The following DDX27 variants were observed in gnomAD, a reference collection of about 807,000 sequenced individuals.
DDX27 encodes probable ATP-dependent RNA helicase DDX27.
A neutral mutation model predicts 99.3 loss-of-function variants in DDX27; 42 were observed. The ratio of observed to expected loss-of-function variants is 0.42; its 90% CI spans 0.33 to 0.55. DDX27 has a LOEUF of 0.55. Among genes scored for constraint, DDX27 ranks in the 20% least tolerant of loss-of-function variants. The pLI, the probability that DDX27 is intolerant of heterozygous loss-of-function variation, is 0.07. For missense variants in DDX27, 798 were observed against 976.8 expected, an observed-to-expected ratio of 0.82 and a Z score of 2.44; for synonymous variants, 329 against 353.8, an observed-to-expected ratio of 0.93 and a Z score of 0.79.
chr20:49,226,315 A>G, intron 6 of DDX27, 115 bp from the exon 7 acceptor site: 1 of 666,366 alleles, frequency 1.5e-6, no homozygotes, highest in Non-Finnish European at 2.5e-6. Flanking sequence ...TGTTTGTGGA[A>G]CGAATGATTG....
intron 16 of DDX27, 135 bp from the exon 17 acceptor site, chr20:49,241,758 T>A: frequency 1.1e-6 from 1 of 937,950 alleles, no homozygotes; most frequent in Non-Finnish European, 1.7e-6. Flanking sequence ...CACGAGCTAC[T>A]GCACTCGGCC....
chr20:49,234,760 A>C (rs1600973249), intron 11 of DDX27, 175 bp from the exon 12 acceptor site: 1 of 644,404 alleles, frequency 1.6e-6, no homozygotes, highest in Non-Finnish European at 2.4e-6. Context: ...AGCATTTTTC[A>C]CCCCCCAGGA....
chr20:49,230,470 C>A, intron 9 of DDX27, 121 bp downstream of exon 9: 1 of 1,159,848 alleles, frequency 8.6e-7, no homozygotes, highest in Non-Finnish European at 1.2e-6. Flanking sequence ...GTGTGCGATA[C>A]CAGATCAGCC....
intron 9 of DDX27, 87 bp from the exon 10 acceptor site, chr20:49,233,219 A>C: frequency 1.1e-6 from 1 of 903,444 alleles, no homozygotes; most frequent in South Asian, 1.4e-5. Context: ...CAATGACAAC[A>C]AACAGCAGCC....
At chr20:49,243,185 G>T (rs912708781) in intron 19 of DDX27, among the ~76,000 whole-genome samples, 1 of 152,218 alleles carries the variant, frequency 6.6e-6, no homozygotes, top group African/African-American at 2.4e-5. Flanking sequence ...GAACAGGAGA[G>T]GGGTGTTCAG....
intron 4 of DDX27, 78 bp downstream of exon 4, chr20:49,223,511 C>A: frequency 7.3e-7 from 1 of 1,361,214 alleles, no homozygotes; most frequent in Non-Finnish European, 1.0e-6. Flanking sequence ...AGGGTTTCCT[C>A]CACTCTTCTG....
chr20:49,239,241 TACAGCAA>T lies in DDX27; in HGVS notation c.1802_1808del (p.Thr601SerfsTer42), dbSNP rs1437991737. 6.2e-7 allele frequency: 1 copy of T among 1,613,880 alleles called. No individual in the cohort carries two copies. The highest frequency in any genetic ancestry group is 8.5e-7 in the Non-Finnish European group (1 of 1,179,958). ...TCCTTTTGTTATCTCTACAGATCAA[TACAGCAA>T]AGCGGCTCCTGGAGAAGGGGAAGGA... On this transcript the variant is annotated frameshift_variant, in exon 16 of 21. Coordinates refer to ENST00000618172, the MANE Select transcript of DDX27 (RefSeq NM_017895.8). LOFTEE classifies it high-confidence loss of function.
chr20:49,242,888 AT>A (rs1980528146), intron 19 of DDX27, among the ~76,000 whole-genome samples: 1 of 151,980 alleles, frequency 6.6e-6, no homozygotes, highest in Admixed American at 6.6e-5. Flanking sequence ...TGCCCAACTA[AT>A]TTTTGTATTT....
intron 11 of DDX27, chr20:49,233,991 C>T (rs1407038836): frequency 5.5e-6 from 2 of 361,464 alleles, no homozygotes; most frequent in East Asian, 8.3e-5. Context: ...TTCTCTGTCG[C>T]CTGGATCGTT....
chr20:49,231,964 A>G (rs1980129424), intron 9 of DDX27, among the ~76,000 whole-genome samples: 1 of 149,670 alleles, frequency 6.7e-6, no homozygotes, highest in Non-Finnish European at 1.5e-5. Context: ...AGCTCATTGC[A>G]GCCTCTACTT....
chr20:49,223,206 C>T, intron 3 of DDX27, 62 bp from the exon 4 acceptor site: 1 of 1,543,512 alleles, frequency 6.5e-7, no homozygotes, highest in Non-Finnish European at 8.8e-7. Context: ...CTTCCTATCG[C>T]TCTACTTAGG....
At position 49,233,700 on chromosome 20, in the gene DDX27, A is replaced by G. The variant is rs943216645; in HGVS notation, c.1264A>G (p.Ile422Val). The G allele has an allele frequency of 6.2e-7, 1 of 1,613,432 alleles. No homozygotes were observed. Among genetic ancestry groups the G allele is most frequent in the South Asian group, 1.1e-5 (1 of 91,078 alleles). The change falls in exon 11 of 21, where the codon ATC (isoleucine) becomes GTC (valine). Residue 422 changes from isoleucine to valine, a missense_variant. Transcript: ENST00000618172. ...RPNREGDREA[I>V]VAALLTRTFT... ...TAATCGTGAAGGAGACCGGGAAGCC[A>G]TCGTGGCAGGTGGCAGCACAGGGCA... is the stretch of plus-strand genomic sequence containing the variant.
intron 7 of DDX27, among the ~76,000 whole-genome samples, chr20:49,227,185 T>C (rs1162135458): frequency 6.6e-6 from 1 of 152,132 alleles, no homozygotes; most frequent in Non-Finnish European, 1.5e-5. Flanking sequence ...TTTTAAATTT[T>C]TAACCACTTT....
At chr20:49,228,673 C>G (rs1010664343) in intron 7 of DDX27, 42 bp from the exon 8 acceptor site, 2 of 1,540,998 alleles carry the variant, frequency 1.3e-6, no homozygotes, top group African/African-American at 1.4e-5. Context: ...CTGGAGGGAG[C>G]TAAACTTCTT....
chr20:49,226,280 TCA>T, intron 6 of DDX27, 148 bp from the exon 7 acceptor site: 1 of 565,822 alleles, frequency 1.8e-6, no homozygotes. Context: ...GAGCACCACC[TCA>T]CACATAGTAG....
At position 49,230,217 on chromosome 20, in the gene DDX27, C is replaced by T; in HGVS notation, c.899C>T (p.Ser300Phe). Residue 300 changes from serine to phenylalanine, a missense_variant, in exon 9 of 21, where the codon TCT becomes TTT. This residue lies in a region of DDX27 where 553 missense variants were observed against 727.9 expected (regional missense o/e 0.76). Coordinates refer to ENST00000618172, the MANE Select transcript of DDX27 (RefSeq NM_017895.8). ...TTTGCAGGCGGCTTGGATGTGAAGT[C>T]TCAGGAAGCAGCTCTTCGGGCAGCG... ...CLAVGGLDVK[S>F]QEAALRAAPD... 1.2e-6 allele frequency: 2 copies of T among 1,612,824 alleles called. No individual in the cohort carries two copies. The highest frequency in any genetic ancestry group is 3.3e-5 in the Admixed American group (2 of 59,974).
At chr20:49,224,658 C>T (rs189081000) in intron 4 of DDX27, 6 of 331,352 alleles carry the variant, frequency 1.8e-5, no homozygotes, top group East Asian at 1.7e-4. Flanking sequence ...CCACTGCTTC[C>T]GCCCTCAATA....
chr20:49,219,643 G>A (rs1004540795), intron 1 of DDX27, 102 bp downstream of exon 1: 2 of 1,292,274 alleles, frequency 1.5e-6, no homozygotes, highest in Non-Finnish European at 2.1e-6. Context: ...TGCCAGCCCC[G>A]GAAGTTTCCC....
intron 14 of DDX27, among the ~76,000 whole-genome samples, chr20:49,237,467 C>T (rs191824761): frequency 6.6e-6 from 1 of 152,056 alleles, no homozygotes; most frequent in Non-Finnish European, 1.5e-5. Context: ...CTTAAATGTC[C>T]CTTTTATTTT....
Sources: allele counts gnomAD v4.1 joint callset (sites outside exome capture counted in the v4.1 genomes callset), GRCh38; gene constraint gnomAD v4.1.1; regional missense constraint gnomAD v4.1.1; transcripts MANE v1.5; gene names NCBI Gene and HGNC (gene_info 2026-07-23, HGNC 2026-07-21).